Variants in MARCHF2 observed in about 807,000 individuals in gnomAD.
MARCHF2 encodes the protein E3 ubiquitin-protein ligase MARCHF2.
In MARCHF2, 22 loss-of-function variants were observed where a neutral mutation model predicts 24.0. The observed-to-expected ratio is 0.92, with a 90% CI of 0.66 to 1.31. The LOEUF is 1.31. MARCHF2 is among the 50% of genes most tolerant of loss of function. The pLI, the probability that MARCHF2 is intolerant of heterozygous loss-of-function variation, is 0.00. For missense variants in MARCHF2, 301 were observed against 335.3 expected, an observed-to-expected ratio of 0.90 and a Z score of 0.80; for synonymous variants, 154 against 153.0, an observed-to-expected ratio of 1.01 and a Z score of -0.05.
At position 8,430,586 on chromosome 19, in the gene MARCHF2, G is replaced by T; in HGVS notation, c.373-72G>T. 1 of 1,254,630 alleles carries T rather than the reference G, an allele frequency of 8.0e-7. No individual in the cohort carries two copies. Among genetic ancestry groups the T allele is most frequent in the Non-Finnish European group, 1.1e-6 (1 of 873,134 alleles). The allele number at this position is 1,254,630 out of a possible 1,614,324, so 77.7% of individuals were successfully genotyped here. On this transcript the variant is annotated intron_variant, in intron 3 of 4. Transcript: ENST00000215555. This position sits in a 1 kb window ranked among gnomAD's most constrained non-coding sequence, Gnocchi z 4.4. ...GGACAGAGGGAGGCCTAGGCCTGGAGGTCCTTACCCCTCCCCCTCAGTAGC... is the reference window on the plus strand; with the variant it reads ...GGACAGAGGGAGGCCTAGGCCTGGATGTCCTTACCCCTCCCCCTCAGTAGC...
At chr19:8,435,823 C>T (rs1214053005) in intron 4 of MARCHF2, among the ~76,000 whole-genome samples, 2 of 136,086 alleles carry the variant, frequency 1.5e-5, no homozygotes, top group Non-Finnish European at 3.1e-5. Flanking sequence ...GCCACTGCAC[C>T]TGGCCTGTGT....
intron 1 of MARCHF2, among the ~76,000 whole-genome samples, chr19:8,420,619 G>T (rs1420232285): frequency 6.6e-6 from 1 of 151,904 alleles, no homozygotes; most frequent in African/African-American, 2.4e-5. Flanking sequence ...TGGCCCTGGA[G>T]GCTTTGAGGG....
intron 4 of MARCHF2, among the ~76,000 whole-genome samples, chr19:8,437,181 T>C (rs1967748419): frequency 1.3e-5 from 2 of 152,014 alleles, no homozygotes; most frequent in African/African-American, 4.8e-5. Context: ...GGTCTCGCTA[T>C]GTTGCCTAGG....
chr19:8,416,328 G>A (rs908585698), intron 1 of MARCHF2, among the ~76,000 whole-genome samples: 177 of 135,652 alleles, frequency 1.3e-3, no homozygotes, highest in African/African-American at 4.4e-3. Flanking sequence ...GCGACAGAGC[G>A]AGACTCTGTC....
At chr19:8,422,347 CCT>C (rs1159390856) in intron 2 of MARCHF2, among the ~76,000 whole-genome samples, 3 of 151,912 alleles carry the variant, frequency 2.0e-5, no homozygotes, top group Non-Finnish European at 4.4e-5. Context: ...TGAGTGGACA[CCT>C]CTCTCTCTCC....
intron 2 of MARCHF2, among the ~76,000 whole-genome samples, chr19:8,426,230 C>CAAAA (rs71175854): frequency 4.6e-5 from 2 of 43,290 alleles, no homozygotes; most frequent in African/African-American, 1.4e-4. Context: ...GACTCTGTCT[C>CAAAA]AAAAAAAAAA....
chr19:8,434,681 C>T (rs1165438144), intron 4 of MARCHF2, among the ~76,000 whole-genome samples: 1 of 151,586 alleles, frequency 6.6e-6, no homozygotes, highest in East Asian at 1.9e-4. Flanking sequence ...CTTGCTTGGT[C>T]AAAGGATGTG....
Position 8,422,808 on chromosome 19 carries a change from G to A in MARCHF2, c.176+792G>A, listed in dbSNP as rs956606504. Among the ~76,000 whole-genome samples the A allele has an allele frequency of 6.3e-5, 9 of 143,758 alleles. No individual in the cohort carries two copies. In the South Asian group the frequency reaches 9.0e-4, roughly 14 times the overall value. 94.3% of individuals were successfully genotyped at this position (143,758 alleles called of 152,430 possible). A position where few individuals can be genotyped will look rare whatever the true frequency, so the allele number is the denominator to read the frequency against. On this transcript the variant is annotated intron_variant, in intron 2 of 4. Coordinates refer to ENST00000215555, the MANE Select transcript of MARCHF2 (RefSeq NM_001005415.2). Reference sequence around the variant, plus strand: ...CAACCTCCGCCTCCCGGATTCAAGCGATTCTCCTGCCTCAGCCTCCTGAGT... The same window carrying A: ...CAACCTCCGCCTCCCGGATTCAAGCAATTCTCCTGCCTCAGCCTCCTGAGT...
intron 3 of MARCHF2, among the ~76,000 whole-genome samples, chr19:8,429,504 T>C (rs1254074631): frequency 6.8e-6 from 1 of 148,110 alleles, no homozygotes. Context: ...ATTATTATTA[T>C]TATTATTATT....
intron 4 of MARCHF2, among the ~76,000 whole-genome samples, chr19:8,437,158 T>C (rs1202527270): frequency 6.6e-6 from 1 of 151,886 alleles, no homozygotes; most frequent in Non-Finnish European, 1.5e-5. Context: ...TTTTAAATAT[T>C]TGGTAGAGAC....
rs1000596483 is a variant in MARCHF2 at position 8,430,090 on chromosome 19, G to T, written c.373-568G>T. On this transcript the variant is annotated intron_variant, in intron 3 of 4. Coordinates refer to ENST00000215555, the MANE Select transcript of MARCHF2 (RefSeq NM_001005415.2). This position sits in a 1 kb window ranked among gnomAD's most constrained non-coding sequence, Gnocchi z 4.4. ...GTTTGAAAGAAGGAAAGGGCCAGGC[G>T]TGGTGGCTCACACCTGTAATCCCAG... Among the ~76,000 whole-genome samples the T allele has an allele frequency of 2.6e-5, 4 of 152,028 alleles. No individual in the cohort carries two copies. Among genetic ancestry groups the T allele is most frequent in the African/African-American group, 7.2e-5 (3 of 41,402 alleles).
At position 8,438,392 on chromosome 19, in the gene MARCHF2, C is replaced by T. The variant is rs775150233; in HGVS notation, c.587C>T (p.Ser196Phe). Residue 196 changes from serine to phenylalanine, a missense_variant, in exon 5 of 5, where the codon TCC (serine) becomes TTC (phenylalanine). By Grantham distance (155) the Ser-to-Phe change is radical. Transcript: ENST00000215555. ...FTIYVLWTLVSFRYHCQLYSE... is the reference protein window; with the variant it reads ...FTIYVLWTLVFFRYHCQLYSE... ...CACTGCAGGGCTGCCCCACAGGTCTCCTTCCGCTACCACTGCCAGCTGTAC... is the reference window on the plus strand; with the variant it reads ...CACTGCAGGGCTGCCCCACAGGTCTTCTTCCGCTACCACTGCCAGCTGTAC... 1 of 1,613,476 alleles carries T rather than the reference C, an allele frequency of 6.2e-7. No individual in the cohort carries two copies. The highest frequency in any genetic ancestry group is 8.5e-7 in the Non-Finnish European group (1 of 1,180,032).
chr19:8,438,118 TGA>T (rs1483327623), intron 4 of MARCHF2, among the ~76,000 whole-genome samples: 2 of 152,080 alleles, frequency 1.3e-5, no homozygotes, highest in African/African-American at 4.8e-5. Context: ...CCTTTCCCAC[TGA>T]GAGGCAGGAA....
chr19:8,428,116 C>T (rs112753195), intron 3 of MARCHF2, among the ~76,000 whole-genome samples: 3,897 of 152,218 alleles, frequency 0.026, 183 homozygotes, highest in African/African-American at 0.088. Flanking sequence ...AAAAATTAGC[C>T]GGGCGTGGTT....
chr19:8,431,521 GAAAAAAGA>G (rs1449542089), intron 4 of MARCHF2, among the ~76,000 whole-genome samples: 2 of 114,188 alleles, frequency 1.8e-5, no homozygotes, highest in Admixed American at 1.9e-4. Context: ...AAAAAAAAAG[GAAAAAAGA>G]AAAAAGAAAG....
At chr19:8,419,536 G>T (rs1449934336) in intron 1 of MARCHF2, among the ~76,000 whole-genome samples, 2 of 150,368 alleles carry the variant, frequency 1.3e-5, no homozygotes, top group Non-Finnish European at 3.0e-5. Context: ...AAAATAATTG[G>T]CCGGGCGCGG....
rs1357095337 is a variant in MARCHF2 at position 8,438,494 on chromosome 19, C to G, written c.689C>G (p.Ser230Cys). 6.2e-7 allele frequency: 1 copy of G among 1,614,148 alleles called. No homozygotes were observed. Among genetic ancestry groups the G allele is most frequent in the South Asian group, 1.1e-5 (1 of 91,082 alleles). The change falls in exon 5 of 5, where the codon TCT becomes TGT. Residue 230 changes from serine (S) to cysteine (C), a missense_variant. Ser to Cys is a moderately radical substitution (Grantham distance 112). Transcript: ENST00000215555. ...GACAGCCCCGAGGGCCCCCAGCATT[C>G]TCCACTGGCAGCTGGACTCCTGAAG... ...EADSPEGPQH[S>C]PLAAGLLKKV...
At chr19:8,437,927 T>C (rs1002933846) in intron 4 of MARCHF2, among the ~76,000 whole-genome samples, 1 of 151,916 alleles carries the variant, frequency 6.6e-6, no homozygotes, top group Non-Finnish European at 1.5e-5. Context: ...GTATTTTTAG[T>C]AGAGACGGGG....
intron 3 of MARCHF2, among the ~76,000 whole-genome samples, chr19:8,427,073 A>C (rs768755631): frequency 3.3e-5 from 5 of 151,750 alleles, no homozygotes; most frequent in Non-Finnish European, 5.9e-5. Flanking sequence ...TTTTTGAGAC[A>C]GAGTCTAACT....
Sources: gnomAD v4.1 joint callset for allele counts (sites outside exome capture counted in the v4.1 genomes callset) on GRCh38, gnomAD v4.1.1 for gene constraint, Gnocchi (gnomAD v3.1) non-coding constraint, MANE v1.5 for transcripts, NCBI Gene and HGNC (gene_info 2026-07-23, HGNC 2026-07-21) for gene names.